PRMT8: variants seen among roughly 807,000 people sequenced by gnomAD.
The protein encoded by PRMT8 is protein arginine N-methyltransferase 8.
PRMT8 carries 7 observed loss-of-function variants against 47.1 expected under a neutral mutation model. That is an observed-to-expected ratio of 0.15 (90% CI 0.08 to 0.28). PRMT8 has a LOEUF of 0.28. PRMT8 is among the 10% of genes least tolerant of loss of function. The pLI, the probability that PRMT8 is intolerant of heterozygous loss-of-function variation, is 1.00. For missense variants in PRMT8, 237 were observed against 505.4 expected, an observed-to-expected ratio of 0.47 and a Z score of 5.09; for synonymous variants, 188 against 186.5, an observed-to-expected ratio of 1.01 and a Z score of -0.07.
chr12:3,478,260 T>TCATC (rs1865235313), intron 1 of PRMT8, among the ~76,000 whole-genome samples: 2 of 136,220 alleles, frequency 1.5e-5, no homozygotes, highest in Non-Finnish European at 1.6e-5. Flanking sequence ...GATCCACCTA[T>TCATC]CATCTATCTA....
In PRMT8 at chr12:3,564,569, G is replaced by A. The variant is rs1866687831; in HGVS notation, c.482-4137G>A. 6.6e-6 allele frequency among the ~76,000 whole-genome samples: 1 copy of A among 152,210 alleles called. No individual in the cohort carries two copies. ...TTTAGAGTCTATTGCTCCCTGCTGT[G>A]CATTTAGTTCTGATTAATCATTCTG... On this transcript the variant is annotated intron_variant, in intron 4 of 9. Transcript: ENST00000382622. The surrounding 1 kb of genome is among the most constrained non-coding windows in gnomAD (Gnocchi z 4.0).
At chr12:3,491,829 CTCCTGTGTGTGTGTGTG>C in intron 1 of PRMT8, 129 bp downstream of exon 1, 1 of 854,014 alleles carries the variant, frequency 1.2e-6, no homozygotes, top group African/African-American at 2.0e-5. Flanking sequence ...TGCCGGCCTC[CTCCTGTGTGTGTGTGTG>C]TGTGTGTGTG....
Position 3,392,382 on chromosome 12 carries a change from C to T in PRMT8, c.48+10940C>T, listed in dbSNP as rs1269971663. Reference sequence around the variant, plus strand: ...CCCCCTCCCCCCACCCCACAACAGTCCCCAGAGTTTGATGTTCCCCTTCCT... The same window carrying T: ...CCCCCTCCCCCCACCCCACAACAGTTCCCAGAGTTTGATGTTCCCCTTCCT... On this transcript the variant is annotated intron_variant, in intron 1 of 9. Transcript: ENST00000452611. 8.6e-4 allele frequency among the ~76,000 whole-genome samples: 101 copies of T among 117,660 alleles called. 1 individual carries two copies. The East Asian group carries it at 0.026, about 30-fold the overall frequency. 77.2% of individuals were successfully genotyped at this position (117,660 alleles called of 152,430 possible).
chr12:3,413,871 C>T lies in PRMT8; in HGVS notation c.48+32429C>T, dbSNP rs144930236. Among the ~76,000 whole-genome samples, 732 of 152,156 alleles carry T rather than the reference C, an allele frequency of 4.8e-3. 2 individuals carry two copies. The highest frequency in any genetic ancestry group is 8.1e-3 in the Non-Finnish European group (550 of 68,018). On this transcript the variant is annotated intron_variant, in intron 1 of 9. Coordinates refer to the PRMT8 transcript ENST00000452611. ...TAATCTAGAGATGATTTAAAGTATA[C>T]GGGAAGATGTGTATAGGTTATATGC...
chr12:3,472,678 G>T (rs1339746604), intron 1 of PRMT8, among the ~76,000 whole-genome samples: 1 of 152,172 alleles, frequency 6.6e-6, no homozygotes, highest in East Asian at 1.9e-4. Flanking sequence ...TGACTCAAAG[G>T]GATAGGAGGG....
intron 1 of PRMT8, among the ~76,000 whole-genome samples, chr12:3,402,309 A>G (rs1370787432): frequency 6.6e-6 from 1 of 152,210 alleles, no homozygotes; most frequent in Non-Finnish European, 1.5e-5. Flanking sequence ...TCCTTACGTC[A>G]TATACAAAAA....
chr12:3,511,031 C>T (rs1439464884), intron 1 of PRMT8, among the ~76,000 whole-genome samples: 1 of 152,234 alleles, frequency 6.6e-6, no homozygotes, highest in Admixed American at 6.5e-5. Flanking sequence ...CCCCATCTAT[C>T]TCAGTCTGTA....
intron 1 of PRMT8, among the ~76,000 whole-genome samples, chr12:3,405,642 C>T (rs527792139): frequency 6.6e-6 from 1 of 152,300 alleles, no homozygotes; most frequent in East Asian, 1.9e-4. Context: ...AAGAAAGGGG[C>T]CTCATAGAAG....
intron 7 of PRMT8, among the ~76,000 whole-genome samples, chr12:3,578,430 C>A (rs1039926226): frequency 6.6e-6 from 1 of 151,686 alleles, no homozygotes; most frequent in Admixed American, 6.6e-5. Flanking sequence ...GGCCATGTTG[C>A]CCAGGCTGGT....
upstream of PRMT8, among the ~76,000 whole-genome samples, chr12:3,487,424 G>T (rs1219231493): frequency 6.6e-6 from 1 of 152,174 alleles, no homozygotes; most frequent in Non-Finnish European, 1.5e-5. Flanking sequence ...GTGTTGGTTG[G>T]CCCCTGGAGA....
chr12:3,496,592 A>G (rs1471275088), intron 1 of PRMT8, among the ~76,000 whole-genome samples: 1 of 152,084 alleles, frequency 6.6e-6, no homozygotes, highest in Non-Finnish European at 1.5e-5. Context: ...TTCTGGACCT[A>G]GTAGATGTGT....
intron 2 of PRMT8, among the ~76,000 whole-genome samples, chr12:3,543,524 G>A (rs1191268266): frequency 6.6e-6 from 1 of 152,188 alleles, no homozygotes; most frequent in Non-Finnish European, 1.5e-5. Context: ...CACACGGTGG[G>A]GAGCAGCCCC....
At position 3,529,922 on chromosome 12, in the gene PRMT8, G is replaced by A. The variant is rs11062706; in HGVS notation, c.76-10684G>A. Among the ~76,000 whole-genome samples, 1,453 of 152,236 alleles carry A rather than the reference G, an allele frequency of 9.5e-3. 14 individuals carry two copies. Among genetic ancestry groups the A allele is most frequent in the East Asian group, 0.057 (295 of 5,172 alleles). ...TGCAGAGAGGGCTTGTACTACACGG[G>A]TGCAAAGAGATGGTTGGAAAATGTC... On this transcript the variant is annotated intron_variant, in intron 1 of 9. Transcript: ENST00000382622.
intron 1 of PRMT8, among the ~76,000 whole-genome samples, chr12:3,478,834 T>A (rs1865244313): frequency 6.6e-6 from 1 of 152,260 alleles, no homozygotes; most frequent in Admixed American, 6.5e-5. Context: ...ATCACCATCA[T>A]GTCCCAAGGT....
intron 1 of PRMT8, among the ~76,000 whole-genome samples, chr12:3,511,635 C>T (rs936050562): frequency 2.0e-5 from 3 of 152,194 alleles, no homozygotes; most frequent in African/African-American, 7.2e-5. Context: ...CTGTGAGGGG[C>T]TCACTATCCA....
At position 3,540,613 on chromosome 12, in the gene PRMT8, G is replaced by GCCTC; in HGVS notation, c.85_86insTCCC (p.Pro29LeufsTer14). 8.8e-7 allele frequency: 1 copy of GCCTC among 1,130,522 alleles called. No homozygotes were observed. Among genetic ancestry groups the GCCTC allele is most frequent in the South Asian group, 1.3e-5 (1 of 78,808 alleles). 70.0% of individuals were successfully genotyped at this position (1,130,522 alleles called of 1,614,324 possible). A position where few individuals can be genotyped will look rare whatever the true frequency, so the allele number is the denominator to read the frequency against. ...CCCTTCTCTTCCCCTCAGGTGAACA[G>GCCTC]CCCCCCCTCCCAGCCCCCCCAGCCC... On this transcript the variant is annotated frameshift_variant, in exon 2 of 10. Coordinates refer to ENST00000382622, the MANE Select transcript of PRMT8 (RefSeq NM_019854.5). LOFTEE classifies it high-confidence loss of function.
At chr12:3,398,822 G>C (rs1313814005) in intron 1 of PRMT8, among the ~76,000 whole-genome samples, 2 of 152,214 alleles carry the variant, frequency 1.3e-5, no homozygotes, top group Non-Finnish European at 2.9e-5. Flanking sequence ...ACCAGGCAGG[G>C]GGAATGCAAA....
At chr12:3,482,993 C>T (rs1051054449) in intron 1 of PRMT8, among the ~76,000 whole-genome samples, 10 of 152,168 alleles carry the variant, frequency 6.6e-5, no homozygotes, top group African/African-American at 1.9e-4. Flanking sequence ...TCTGTGCCAT[C>T]GCTGGTGTCA....
chr12:3,444,107 G>T (rs1285514017), intron 1 of PRMT8, among the ~76,000 whole-genome samples: 1 of 152,222 alleles, frequency 6.6e-6, no homozygotes, highest in African/African-American at 2.4e-5. Flanking sequence ...AATGGCCAGT[G>T]ATGAGAGGTT....
Sources: gnomAD v4.1 joint callset for allele counts (sites outside exome capture counted in the v4.1 genomes callset) on GRCh38, gnomAD v4.1.1 for gene constraint, Gnocchi (gnomAD v3.1) non-coding constraint, MANE v1.5 for transcripts, NCBI Gene and HGNC (gene_info 2026-07-23, HGNC 2026-07-21) for gene names.